MSL1: variants seen among roughly 807,000 people sequenced by gnomAD.
The protein encoded by MSL1 is MSL complex subunit 1, also known as male-specific lethal 1 homolog.
A neutral mutation model predicts 64.6 loss-of-function variants in MSL1; 21 were observed. The observed-to-expected ratio is 0.33, with a 90% confidence interval of 0.23 to 0.47. The LOEUF is 0.47. Among genes scored for constraint, MSL1 ranks in the 20% least tolerant of loss-of-function variants. MSL1 has a pLI of 1.00. For missense variants in MSL1, 664 were observed against 793.2 expected (o/e 0.84, Z 1.96); for synonymous variants, 339 against 329.6 (o/e 1.03, Z -0.31).
chr17:40,123,472 G>C, intron 1 of MSL1, 92 bp downstream of exon 1: 1 of 1,320,024 alleles, frequency 7.6e-7, no homozygotes, highest in Non-Finnish European at 1.0e-6. Flanking sequence ...GCACCCCCGG[G>C]TTAGGGGTAA....
rs757148838 is a variant in MSL1, at chr17:40,131,621, G to GT, written c.1423+38dup. The GT allele has an allele frequency of 6.3e-7, 1 of 1,584,512 alleles. No individual in the cohort carries two copies. The highest frequency in any genetic ancestry group is 8.7e-7 in the Non-Finnish European group (1 of 1,153,092). ...AGGAATTGTGCTGGCTGGGCCTGGGGTGGGGGTTGGTGGGATGGTGGATGG... is the reference window on the plus strand; with the variant it reads ...AGGAATTGTGCTGGCTGGGCCTGGGGTTGGGGGTTGGTGGGATGGTGGATGG... On this transcript the variant is annotated intron_variant, in intron 4 of 8. Coordinates refer to ENST00000398532, the MANE Select transcript of MSL1 (RefSeq NM_001365919.1). The surrounding 1 kb of genome is among the most constrained non-coding windows in gnomAD (Gnocchi z 4.5).
intron 5 of MSL1, among the ~76,000 whole-genome samples, chr17:40,132,434 C>CA (rs1322992896): frequency 2.0e-5 from 3 of 151,996 alleles, no homozygotes; most frequent in Non-Finnish European, 4.4e-5. Context: ...GGTCAGGAGT[C>CA]AGAGATCAGC....
At position 40,135,839 on chromosome 17, in the gene MSL1, TTGTG is replaced by T. The variant is rs112133915; in HGVS notation, c.*1491_*1494del. ...GATCTTGCTGCTCTTATTTCTCCTT[TTGTG>T]TGTGTGTGTGTGTGTGTGTGGCTAT... On this transcript the variant is annotated 3_prime_UTR_variant, in exon 9 of 9. Transcript: ENST00000398532. 12,597 of 148,906 alleles carry T rather than the reference TTGTG, an allele frequency of 0.085. 1,236 individuals carry two copies. The highest frequency in any genetic ancestry group is 0.24 in the African/African-American group (9,776 of 40,718). The allele number at this position is 148,906 out of a possible 1,614,324, so 9.2% of individuals were successfully genotyped here. A position where few individuals can be genotyped will look rare whatever the true frequency, so the allele number is the denominator to read the frequency against.
chr17:40,122,092 C>A lies in MSL1; in HGVS notation c.-521C>A, dbSNP rs1465643079. On this transcript the variant is annotated 5_prime_UTR_variant, in exon 1 of 9. Transcript: ENST00000398532. The surrounding 1 kb of genome is among the most constrained non-coding windows in gnomAD (Gnocchi z 4.2). ...GGAGGGGGACCCCGAGCCGCGGAGA[C>A]CCCCGGGAGAGGCGACAGACCCCCT... Among the ~76,000 whole-genome samples the A allele has an allele frequency of 2.6e-5, 4 of 151,540 alleles. No individual in the cohort carries two copies. The East Asian group carries it at 7.8e-4, about 30-fold the overall frequency.
At chr17:40,123,481 A>G in intron 1 of MSL1, 101 bp downstream of exon 1, 1 of 1,209,494 alleles carries the variant, frequency 8.3e-7, no homozygotes, top group Non-Finnish European at 1.2e-6. Context: ...GGTTAGGGGT[A>G]AAGGAGGTTG....
chr17:40,134,573 G>T lies in MSL1; in HGVS notation c.*204G>T. On this transcript the variant is annotated 3_prime_UTR_variant, in exon 9 of 9. Coordinates refer to ENST00000398532, the MANE Select transcript of MSL1 (RefSeq NM_001365919.1). ...AATTGTGAGTTATGGAGGGTGATTGGGATTTCTTTTCCCTTTTTTGGGAAA... is the reference window on the plus strand; with the variant it reads ...AATTGTGAGTTATGGAGGGTGATTGTGATTTCTTTTCCCTTTTTTGGGAAA... 3.6e-6 allele frequency: 2 copies of T among 552,280 alleles called. No individual in the cohort carries two copies. The highest frequency in any genetic ancestry group is 2.3e-5 in the South Asian group (1 of 42,928). 34.2% of individuals were successfully genotyped at this position (552,280 alleles called of 1,614,324 possible).
intron 6 of MSL1, 53 bp downstream of exon 6, chr17:40,133,162 A>T: frequency 1.3e-6 from 2 of 1,510,408 alleles, no homozygotes; most frequent in Non-Finnish European, 1.8e-6. Context: ...GACCTAGGAC[A>T]GAGTATCAGG....
Position 40,131,371 on chromosome 17 carries a change from C to G in MSL1, c.1376-166C>G, listed in dbSNP as rs184856077. Reference sequence around the variant, plus strand: ...GTGGGCTTATTTTCTTTTCTTTTGTCTGTTGTTCCCTCTTCCCCTCCCCCA... The same window carrying G: ...GTGGGCTTATTTTCTTTTCTTTTGTGTGTTGTTCCCTCTTCCCCTCCCCCA... On this transcript the variant is annotated intron_variant, in intron 3 of 8. Coordinates refer to ENST00000398532, the MANE Select transcript of MSL1 (RefSeq NM_001365919.1). The surrounding 1 kb of genome is among the most constrained non-coding windows in gnomAD (Gnocchi z 4.5). The G allele has an allele frequency of 3.4e-4, 185 of 541,324 alleles. No homozygotes were observed. Among genetic ancestry groups the G allele is most frequent in the Non-Finnish European group, 5.3e-4 (159 of 300,494 alleles). 33.5% of individuals were successfully genotyped at this position (541,324 alleles called of 1,614,324 possible).
At chr17:40,133,009 TA>T (rs763575537) in intron 5 of MSL1, 32 bp from the exon 6 acceptor site, 64 of 1,588,332 alleles carry the variant, frequency 4.0e-5, no homozygotes, top group Non-Finnish European at 4.9e-5. Flanking sequence ...TATATGGTGA[TA>T]AATAGCTTAT....
At chr17:40,132,729 A>C (rs1988464133) in intron 5 of MSL1, among the ~76,000 whole-genome samples, 1 of 152,068 alleles carries the variant, frequency 6.6e-6, no homozygotes, top group Non-Finnish European at 1.5e-5. Context: ...TTAAAGTCAG[A>C]CTCTTACAAA....
chr17:40,136,152 C>T lies in MSL1; in HGVS notation c.*1783C>T, dbSNP rs908200271. On this transcript the variant is annotated 3_prime_UTR_variant, in exon 9 of 9. Coordinates refer to ENST00000398532, the MANE Select transcript of MSL1 (RefSeq NM_001365919.1). ...AAAAGACCCAATCAGTGTCTCTTGACTTTGTTCTTTGATCCCTCAGTTTCT... is the reference window on the plus strand; with the variant it reads ...AAAAGACCCAATCAGTGTCTCTTGATTTTGTTCTTTGATCCCTCAGTTTCT... 1.3e-5 allele frequency: 2 copies of T among 152,286 alleles called. No homozygotes were observed. Among genetic ancestry groups the T allele is most frequent in the Non-Finnish European group, 2.9e-5 (2 of 68,026 alleles). The allele number at this position is 152,286 out of a possible 1,614,324, so 9.4% of individuals were successfully genotyped here.
intron 3 of MSL1, chr17:40,130,939 C>G (rs1162833541): frequency 6.6e-6 from 1 of 152,536 alleles, no homozygotes; most frequent in Non-Finnish European, 1.5e-5. Flanking sequence ...CAGACAATTT[C>G]AAACACCTCT....
In MSL1 at chr17:40,131,967, G is replaced by A; in HGVS notation, c.1424-67G>A. ...AGACCTCTTATCCTAGTGAATAGTT[G>A]TGCAACTTTGGATTTAAGGGTGGTT... On this transcript the variant is annotated intron_variant, in intron 4 of 8. Coordinates refer to ENST00000398532, the MANE Select transcript of MSL1 (RefSeq NM_001365919.1). This position sits in a 1 kb window ranked among gnomAD's most constrained non-coding sequence, Gnocchi z 4.5. 2 of 1,165,674 alleles carry A rather than the reference G, an allele frequency of 1.7e-6. No individual in the cohort carries two copies. Among genetic ancestry groups the A allele is most frequent in the African/African-American group, 1.5e-5 (1 of 65,512 alleles). The allele number at this position is 1,165,674 out of a possible 1,614,324, so 72.2% of individuals were successfully genotyped here.
At chr17:40,133,282 C>A in intron 6 of MSL1, 173 bp downstream of exon 6, 1 of 745,506 alleles carries the variant, frequency 1.3e-6, no homozygotes. Context: ...GTAGTTGTTG[C>A]GGTAAACATG....
chr17:40,135,508 TTA>T lies in MSL1; in HGVS notation c.*1140_*1141del, dbSNP rs1988523187. On this transcript the variant is annotated 3_prime_UTR_variant, in exon 9 of 9. Transcript: ENST00000398532. ...TCAAATATATAGGAATTGCCTTTCT[TTA>T]GTCTTCAGGACTATTGTGTGAAAAC... 6.6e-6 allele frequency: 1 copy of T among 152,352 alleles called. No individual in the cohort carries two copies. Among genetic ancestry groups the T allele is most frequent in the East Asian group, 1.9e-4 (1 of 5,338 alleles). 9.4% of individuals were successfully genotyped at this position (152,352 alleles called of 1,614,324 possible). A position where few individuals can be genotyped will look rare whatever the true frequency, so the allele number is the denominator to read the frequency against.
Position 40,129,373 on chromosome 17 carries a change from A to C in MSL1, c.1121A>C (p.Glu374Ala). The change falls in exon 3 of 9, where the codon GAA becomes GCA. Residue 374 changes from glutamate to alanine, a missense_variant. Around this residue, in one of 4 missense-constraint regions of MSL1, gnomAD observed 119 missense variants for 164.3 expected, o/e 0.72. Transcript: ENST00000398532. ...IKEEPCGSLSETVCKRELRSQ... is the reference protein window; with the variant it reads ...IKEEPCGSLSATVCKRELRSQ... The stretch of plus-strand genomic sequence containing the variant: ...GAGGAACCCTGTGGTTCCTTATCTG[A>C]AACTGTTTGTAAACGTGAATTGAGG... 1 of 1,613,756 alleles carries C rather than the reference A, an allele frequency of 6.2e-7. No homozygotes were observed. Among genetic ancestry groups the C allele is most frequent in the African/African-American group, 1.3e-5 (1 of 74,984 alleles).
intron 2 of MSL1, 133 bp downstream of exon 2, chr17:40,126,539 T>C (rs1598410856): frequency 2.5e-6 from 2 of 811,338 alleles, no homozygotes; most frequent in East Asian, 5.4e-5. Flanking sequence ...CCGGGTGTGG[T>C]GGCTCACACC....
intron 2 of MSL1, chr17:40,126,899 C>T (rs1988330485): frequency 6.4e-6 from 1 of 155,612 alleles, no homozygotes; most frequent in African/African-American, 2.4e-5. Context: ...ATTTTGGTCA[C>T]AGTAATAATT....
At chr17:40,133,965 C>T in intron 8 of MSL1, 66 bp downstream of exon 8, 1 of 1,429,200 alleles carries the variant, frequency 7.0e-7, no homozygotes. Flanking sequence ...TTCATGGAAG[C>T]CTAGATATGA....
Sources: gnomAD v4.1 joint callset for allele counts (sites outside exome capture counted in the v4.1 genomes callset) on GRCh38, gnomAD v4.1.1 for gene constraint, gnomAD v4.1.1 regional missense constraint, Gnocchi (gnomAD v3.1) non-coding constraint, MANE v1.5 for transcripts, NCBI Gene and HGNC (gene_info 2026-07-23, HGNC 2026-07-21) for gene names.